Variants in RBM33 observed in about 807,000 individuals in gnomAD.
RBM33 encodes RNA binding motif protein 33.
Under a neutral mutation model 132.6 loss-of-function variants are expected in RBM33, and 28 were observed. That is an observed-to-expected ratio of 0.21 (90% CI 0.16 to 0.29). The LOEUF (loss-of-function observed/expected upper bound fraction) is 0.29. Among genes scored for constraint, RBM33 ranks in the 10% least tolerant of loss-of-function variants. RBM33 has a pLI of 1.00. For synonymous variants in RBM33, 634 were observed against 593.0 expected (o/e 1.07, Z -1.01); for missense variants, 1,291 against 1,518.5 (o/e 0.85, Z 2.49).
chr7:155,708,500 T>G (rs1230484368), intron 7 of RBM33, among the ~76,000 whole-genome samples: 1 of 152,314 alleles, frequency 6.6e-6, no homozygotes, highest in East Asian at 1.9e-4. Context: ...CTCTGTTTTC[T>G]TACCCACAAA....
intron 2 of RBM33, among the ~76,000 whole-genome samples, chr7:155,668,630 A>G (rs1798863797): frequency 6.6e-6 from 1 of 152,302 alleles, no homozygotes; most frequent in Admixed American, 6.5e-5. Context: ...TATACTACCT[A>G]ATAGTACTGT....
intron 14 of RBM33, among the ~76,000 whole-genome samples, chr7:155,747,857 G>C (rs1282280341): frequency 6.6e-6 from 1 of 152,222 alleles, no homozygotes; most frequent in African/African-American, 2.4e-5. Context: ...TAATGGCATT[G>C]TTTTTTGTTT....
chr7:155,683,007 TA>T (rs529156490), intron 5 of RBM33, among the ~76,000 whole-genome samples: 130 of 145,526 alleles, frequency 8.9e-4, no homozygotes, highest in Middle Eastern at 3.5e-3. Flanking sequence ...AGTCTTGAAG[TA>T]AAAAAAAAAA....
chr7:155,738,679 T>C (rs1801213189), intron 11 of RBM33: 1 of 403,128 alleles, frequency 2.5e-6, no homozygotes, highest in Non-Finnish European at 4.4e-6. Context: ...AATTAGGACA[T>C]GTTTTGATAA....
chr7:155,712,803 G>A (rs10949743), intron 8 of RBM33, among the ~76,000 whole-genome samples: 89,913 of 152,140 alleles, frequency 0.59, 29,037 homozygotes, highest in South Asian at 0.77. Context: ...CCGTGGGGCC[G>A]TGGGGCCATC....
chr7:155,686,743 C>T (rs886488636), intron 5 of RBM33, among the ~76,000 whole-genome samples: 1 of 151,886 alleles, frequency 6.6e-6, no homozygotes, highest in African/African-American at 2.4e-5. Context: ...GGTTTTTTGT[C>T]CTTGAGATAG....
At chr7:155,694,657 A>G (rs77429306) in intron 5 of RBM33, among the ~76,000 whole-genome samples, 137 of 152,334 alleles carry the variant, frequency 9.0e-4, no homozygotes, top group African/African-American at 3.2e-3. Context: ...AGTCTGGAAC[A>G]TCACCTAAAT....
At chr7:155,733,629 CT>C (rs1801022368) in intron 9 of RBM33, among the ~76,000 whole-genome samples, 1 of 152,172 alleles carries the variant, frequency 6.6e-6, no homozygotes, top group African/African-American at 2.4e-5. Context: ...TTTAAGGTGG[CT>C]GCTTAGAAAG....
rs1453673113 is a variant in RBM33, at chr7:155,661,126, GTGTGTA to G, written c.44-4047_44-4042del. The stretch of plus-strand genomic sequence containing the variant: ...TGTGTGTGTGTGTGTGTGTGTGTGT[GTGTGTA>G]TATATATATATATATTTTTTTTTTT... On this transcript the variant is annotated intron_variant, in intron 1 of 17. Transcript: ENST00000401878. 1.4e-3 allele frequency among the ~76,000 whole-genome samples: 81 copies of G among 59,018 alleles called. 1 individual carries two copies. The highest frequency in any genetic ancestry group is 2.3e-3 in the Non-Finnish European group (58 of 25,546). The allele number at this position is 59,018 out of a possible 152,430, so 38.7% of individuals were successfully genotyped here. A position where few individuals can be genotyped will look rare whatever the true frequency, so the allele number is the denominator to read the frequency against.
chr7:155,656,831 C>G (rs1327748516), intron 1 of RBM33, among the ~76,000 whole-genome samples: 2 of 152,130 alleles, frequency 1.3e-5, no homozygotes, highest in Non-Finnish European at 2.9e-5. Context: ...TGACCCTTAC[C>G]TCATTTCCTG....
chr7:155,738,870 G>A (rs1772665387), intron 11 of RBM33: 1 of 161,796 alleles, frequency 6.2e-6, no homozygotes, highest in South Asian at 1.6e-4. Context: ...CTGCTTCATG[G>A]GTTTTCACTG....
At chr7:155,662,002 C>T (rs1025535827) in intron 1 of RBM33, among the ~76,000 whole-genome samples, 5 of 152,076 alleles carry the variant, frequency 3.3e-5, no homozygotes, top group African/African-American at 1.2e-4. Context: ...TCCCTGTTCT[C>T]CCACCCCTGG....
chr7:155,657,961 C>T (rs534321450), intron 1 of RBM33, among the ~76,000 whole-genome samples: 22 of 152,258 alleles, frequency 1.4e-4, no homozygotes, highest in African/African-American at 5.3e-4. Flanking sequence ...TCCAAGTACC[C>T]TGTATTGGCT....
chr7:155,731,022 CTCTT>C (rs1360554995), intron 9 of RBM33, among the ~76,000 whole-genome samples: 4 of 152,158 alleles, frequency 2.6e-5, no homozygotes, highest in African/African-American at 9.7e-5. Context: ...AATTCAGTAA[CTCTT>C]TCCTTTTAGA....
Position 155,741,977 on chromosome 7 carries a change from T to C in RBM33, c.2208T>C (p.Pro736=). The C allele has an allele frequency of 6.2e-7, 1 of 1,613,872 alleles. No homozygotes were observed. The highest frequency in any genetic ancestry group is 8.5e-7 in the Non-Finnish European group (1 of 1,179,892). ...CCACGCCCTCAGCACAAGTGAAACC[T>C]ATCGTCAGCGCGTCACCACCCTCGC... ...CSATPSAQVK[P]IVSASPPSRA... Residue 736 remains proline (P), a synonymous_variant, in exon 13 of 18, where the codon CCT becomes CCC. Coordinates refer to ENST00000401878, the MANE Select transcript of RBM33 (RefSeq NM_053043.3).
chr7:155,717,493 C>G (rs1255509146), intron 8 of RBM33, among the ~76,000 whole-genome samples: 2 of 66,568 alleles, frequency 3.0e-5, no homozygotes, highest in Non-Finnish European at 5.5e-5. Flanking sequence ...TTCTGAGGTA[C>G]GGGGGGTTGG....
rs1798348804 is a variant in RBM33 at position 155,651,385 on chromosome 7, T to A, written c.43+6466T>A. ...CTTGAGAAGTTTGAGGACATTCTGA[T>A]TCCTAATCATTTTTTATGTGACCTT... On this transcript the variant is annotated intron_variant, in intron 1 of 17. Transcript: ENST00000401878. Among the ~76,000 whole-genome samples, 4 of 152,270 alleles carry A rather than the reference T, an allele frequency of 2.6e-5. No individual in the cohort carries two copies. The South Asian group carries it at 8.3e-4, about 32-fold the overall frequency.
In RBM33 at chr7:155,774,964, G is replaced by A; in HGVS notation, c.3465-29G>A. 4 of 1,610,746 alleles carry A rather than the reference G, an allele frequency of 2.5e-6. No individual in the cohort carries two copies. The highest frequency in any genetic ancestry group is 3.4e-6 in the Non-Finnish European group (4 of 1,177,016). ...GGTTGATTGCCGATGTGCAGGGTTA[G>A]TGTCGATCGTTTCTTTAAATTTTCA... On this transcript the variant is annotated intron_variant, in intron 17 of 17. Coordinates refer to ENST00000401878, the MANE Select transcript of RBM33 (RefSeq NM_053043.3). This position sits in a 1 kb window ranked among gnomAD's most constrained non-coding sequence, Gnocchi z 4.2.
intron 3 of RBM33, among the ~76,000 whole-genome samples, chr7:155,676,977 G>GT (rs938031887): frequency 3.3e-5 from 5 of 152,162 alleles, no homozygotes; most frequent in African/African-American, 1.2e-4. Flanking sequence ...AATACTAAGA[G>GT]TTTAACTAAA....
Sources: gnomAD v4.1 joint callset for allele counts (sites outside exome capture counted in the v4.1 genomes callset) on GRCh38, gnomAD v4.1.1 for gene constraint, Gnocchi (gnomAD v3.1) non-coding constraint, MANE v1.5 for transcripts, NCBI Gene and HGNC (gene_info 2026-07-23, HGNC 2026-07-21) for gene names.